Variants in MGAT1 observed in about 807,000 individuals in gnomAD.
MGAT1 encodes the protein alpha-1,3-mannosyl-glycoprotein 2-beta-N-acetylglucosaminyltransferase.
In MGAT1, 14 loss-of-function variants were observed where a neutral mutation model predicts 31.7. The ratio of observed to expected loss-of-function variants is 0.44; its 90% confidence interval spans 0.29 to 0.69. The LOEUF (loss-of-function observed/expected upper bound fraction) is 0.69. MGAT1 is among the 30% of genes least tolerant of loss of function. The pLI is 0.12. For synonymous variants in MGAT1, 338 were observed against 276.0 expected, an observed-to-expected ratio of 1.22 and a Z score of -2.23; for missense variants, 557 against 626.0, an observed-to-expected ratio of 0.89 and a Z score of 1.18.
chr5:180,794,945 G>C (rs1368316233), intron 1 of MGAT1, among the ~76,000 whole-genome samples: 1 of 152,132 alleles, frequency 6.6e-6, no homozygotes, highest in Non-Finnish European at 1.5e-5. Context: ...CATCAACAGG[G>C]AAATACAGAT....
intron 1 of MGAT1, among the ~76,000 whole-genome samples, chr5:180,797,835 C>T (rs1296911736): frequency 6.6e-6 from 1 of 150,386 alleles, no homozygotes. Context: ...TAGTTCCAGC[C>T]CACCTCCTTA....
intron 1 of MGAT1, among the ~76,000 whole-genome samples, chr5:180,794,226 TAAA>T (rs397884031): frequency 2.1e-5 from 2 of 96,928 alleles, no homozygotes; most frequent in African/African-American, 3.9e-5. Flanking sequence ...AAGTAACAAT[TAAA>T]AAAAAAAAAA....
intron 1 of MGAT1, among the ~76,000 whole-genome samples, chr5:180,800,422 C>A (rs1770488959): frequency 6.6e-6 from 1 of 152,236 alleles, no homozygotes; most frequent in African/African-American, 2.4e-5. Context: ...TGAGGCCTTG[C>A]TGAAAGACTC....
upstream of MGAT1, among the ~76,000 whole-genome samples, chr5:180,803,139 G>A (rs1771272999): frequency 1.3e-5 from 2 of 152,150 alleles, no homozygotes; most frequent in Admixed American, 6.5e-5. Flanking sequence ...CCGCAGTCCA[G>A]GAAAGGCGTT....
rs545969272 is a variant in MGAT1 at position 180,813,090 on chromosome 5, T to G, written c.-546+2324A>C. 2.4e-4 allele frequency among the ~76,000 whole-genome samples: 28 copies of G among 118,280 alleles called. No individual in the cohort carries two copies. In the East Asian group the frequency reaches 4.7e-3, roughly 20 times the overall value. The allele number at this position is 118,280 out of a possible 152,430, so 77.6% of individuals were successfully genotyped here. ...GTAGCTAAATCTGTGTGCACGTCAT[T>G]TTTTTTTTTTTTAGGATAAAGTCTG... On this transcript the variant is annotated intron_variant, in intron 1 of 2. Transcript: ENST00000333055.
Position 180,792,328 on chromosome 5 carries a change from G to A in MGAT1, c.644C>T (p.Ala215Val), listed in dbSNP as rs1333217705. ...AVVVEDDLEV[A>V]PDFFEYFRAT... ...CCGAAAGTACTCGAAGAAGTCCGGGGCCACCTCCAGGTCATCCTCCACCAC... is the reference window on the plus strand; with the variant it reads ...CCGAAAGTACTCGAAGAAGTCCGGGACCACCTCCAGGTCATCCTCCACCAC... The change falls in exon 2 of 2, where the codon GCC becomes GTC. Residue 215 changes from alanine to valine, a missense_variant. Physicochemically the swap from Ala to Val is moderately conservative, Grantham distance 64 (BLOSUM62 0). Transcript: ENST00000307826. The A allele has an allele frequency of 6.2e-7, 1 of 1,610,996 alleles. No individual in the cohort carries two copies. Among genetic ancestry groups the A allele is most frequent in the Non-Finnish European group, 8.5e-7 (1 of 1,178,262 alleles).
intron 1 of MGAT1, chr5:180,809,231 T>C (rs1772266531): frequency 6.6e-6 from 1 of 152,208 alleles, no homozygotes; most frequent in Admixed American, 6.5e-5. Context: ...ACAAAGCACC[T>C]ACTTAACTCA....
rs751178115 is a variant in MGAT1 at position 180,792,877 on chromosome 5, G to C, written c.95C>G (p.Pro32Arg). 3 of 1,591,646 alleles carry C rather than the reference G, an allele frequency of 1.9e-6. No homozygotes were observed. The highest frequency in any genetic ancestry group is 2.6e-6 in the Non-Finnish European group (3 of 1,169,736). The part of the protein sequence containing the change: ...ALLLLFFWTR[P>R]APGRPPSVSA... ...GACTGAGGGTGGCCTGCCAGGTGCT[G>C]GGCGCGTCCAGAAGAAGAGGAGCAG... Residue 32 changes from proline (P) to arginine (R), a missense_variant, in exon 2 of 2, where the codon CCA becomes CGA. Pro to Arg is a moderately radical substitution (Grantham distance 103). Transcript: ENST00000307826.
chr5:180,812,122 C>G (rs920232285), intron 1 of MGAT1, among the ~76,000 whole-genome samples: 10 of 152,206 alleles, frequency 6.6e-5, no homozygotes, highest in Admixed American at 1.3e-4. Context: ...TTTAAGTTCC[C>G]TGAGTGGAGG....
At chr5:180,808,262 CA>C (rs749430315) in intron 2 of MGAT1, among the ~76,000 whole-genome samples, 1 of 152,192 alleles carries the variant, frequency 6.6e-6, no homozygotes, top group Non-Finnish European at 1.5e-5. Context: ...GTTAGCTCCC[CA>C]AAACAGAGCA....
chr5:180,812,393 A>T (rs1288236746), intron 1 of MGAT1, among the ~76,000 whole-genome samples: 1 of 152,140 alleles, frequency 6.6e-6, no homozygotes, highest in African/African-American at 2.4e-5. Flanking sequence ...CATAATTATA[A>T]CCATTTTTAC....
At position 180,812,389 on chromosome 5, in the gene MGAT1, T is replaced by G. The variant is rs621646; in HGVS notation, c.-546+3025A>C. ...ACATATTTCTAAGTATTTTCATAAT[T>G]ATAACCATTTTTACTTAAGTGACCT... On this transcript the variant is annotated intron_variant, in intron 1 of 2. Coordinates refer to the MGAT1 transcript ENST00000333055. Among the ~76,000 whole-genome samples the G allele has an allele frequency of 3.3e-5, 5 of 151,446 alleles. No individual in the cohort carries two copies. In the East Asian group the frequency reaches 9.6e-4, roughly 29 times the overall value.
chr5:180,812,561 C>G (rs985684218), intron 1 of MGAT1, among the ~76,000 whole-genome samples: 4 of 151,976 alleles, frequency 2.6e-5, no homozygotes. Context: ...CACACGCACA[C>G]ACACACAGGC....
chr5:180,791,738 G>A lies in MGAT1; in HGVS notation c.1234C>T (p.Pro412Ser), dbSNP rs1768140516. The A allele has an allele frequency of 6.2e-7, 1 of 1,614,146 alleles. No homozygotes were observed. The highest frequency in any genetic ancestry group is 8.5e-7 in the Non-Finnish European group (1 of 1,180,032). The change falls in exon 2 of 2, where the codon CCG (proline) becomes TCG (serine). Residue 412 changes from proline to serine, a missense_variant. By Grantham distance (74) the Pro-to-Ser change is moderately conservative. Transcript: ENST00000307826. ...GVMDDLKSGV[P>S]RAGYRGIVTF... ...ACAATACCCCGGTAGCCAGCTCTCG[G>A]AACCCCCGACTTAAGGTCATCCATG... is the stretch of plus-strand genomic sequence containing the variant.
At chr5:180,797,855 T>C (rs1332046582) in intron 1 of MGAT1, among the ~76,000 whole-genome samples, 3 of 117,402 alleles carry the variant, frequency 2.6e-5, no homozygotes, top group Non-Finnish European at 5.6e-5. Context: ...AGGCTCAGCC[T>C]GGGCCCCAGT....
chr5:180,794,204 C>T (rs10903269), intron 1 of MGAT1, among the ~76,000 whole-genome samples: 12,949 of 148,486 alleles, frequency 0.087, 623 homozygotes, highest in East Asian at 0.21. Context: ...CACACGGAGA[C>T]CCTGTCTCTA....
intron 1 of MGAT1, chr5:180,809,378 G>C (rs1236759530): frequency 6.6e-6 from 1 of 152,132 alleles, no homozygotes. Flanking sequence ...TCTCACCACA[G>C]AAAAGTAACC....
At position 180,792,915 on chromosome 5, in the gene MGAT1, G is replaced by A. The variant is rs550919801; in HGVS notation, c.57C>T (p.Ala19=). Reference sequence around the variant, plus strand: ...AGAAGAGGAGCAGCAGGGCATTCCAGGCCACAAAGAGGATAGCGCCCCACA... The same window carrying A: ...AGAAGAGGAGCAGCAGGGCATTCCAAGCCACAAAGAGGATAGCGCCCCACA... ...LVLWGAILFV[A]WNALLLLFFW... The change falls in exon 2 of 2, where the codon GCC becomes GCT. Residue 19 remains alanine, a synonymous_variant. Transcript: ENST00000307826. 163 of 1,612,538 alleles carry A rather than the reference G, an allele frequency of 1.0e-4. No homozygotes were observed. The East Asian group carries it at 1.5e-3, about 15-fold the overall frequency.
chr5:180,798,191 T>C (rs1319362004), intron 1 of MGAT1, among the ~76,000 whole-genome samples: 1 of 152,156 alleles, frequency 6.6e-6, no homozygotes, highest in Non-Finnish European at 1.5e-5. Flanking sequence ...TGTTAGGTGT[T>C]TAGAACAGTG....
Sources: allele counts gnomAD v4.1 joint callset (sites outside exome capture counted in the v4.1 genomes callset), GRCh38; gene constraint gnomAD v4.1.1; transcripts MANE v1.5; gene names NCBI Gene and HGNC (gene_info 2026-07-23, HGNC 2026-07-21).